The following XKR4 variants were observed in gnomAD, a reference collection of about 807,000 sequenced individuals.
XKR4 encodes the protein XK related 4, also known as XK-related protein 4.
Under a neutral mutation model 53.9 loss-of-function variants are expected in XKR4, and 12 were observed. That is an observed-to-expected ratio of 0.22 (90% CI 0.14 to 0.36). The LOEUF is 0.36. Ranked by LOEUF, XKR4 falls within the 10% of genes least tolerant of loss-of-function variation. XKR4 has a pLI of 1.00. For synonymous variants in XKR4, 354 were observed against 362.4 expected (o/e 0.98, Z 0.26); for missense variants, 799 against 859.5 (o/e 0.93, Z 0.88).
chr8:55,276,840 A>T (rs907130705), intron 1 of XKR4, among the ~76,000 whole-genome samples: 1 of 152,244 alleles, frequency 6.6e-6, no homozygotes, highest in Non-Finnish European at 1.5e-5. Context: ...AATTCCAGAG[A>T]GGCATCAACA....
At chr8:55,471,989 A>G (rs1805892010) in intron 2 of XKR4, among the ~76,000 whole-genome samples, 1 of 152,168 alleles carries the variant, frequency 6.6e-6, no homozygotes, top group African/African-American at 2.4e-5. Context: ...ATGAGAGAAC[A>G]GACACAAACA....
chr8:55,405,730 A>C (rs1804670618), intron 2 of XKR4, among the ~76,000 whole-genome samples: 1 of 152,218 alleles, frequency 6.6e-6, no homozygotes, highest in Non-Finnish European at 1.5e-5. Context: ...TAGAGAAGGA[A>C]GTGAGTTGAG....
intron 1 of XKR4, among the ~76,000 whole-genome samples, chr8:55,107,705 G>A (rs919692579): frequency 1.3e-5 from 2 of 152,086 alleles, no homozygotes; most frequent in Non-Finnish European, 2.9e-5. Context: ...GATAAAGAAT[G>A]GGTAGAAAAA....
rs1312337702 is a variant in XKR4, at chr8:55,538,993, C to T, written c.*14766C>T. On this transcript the variant is annotated 3_prime_UTR_variant, in exon 3 of 3. Transcript: ENST00000327381. ...AGGGCTTCAGCTATATACTGATATA[C>T]ATATGCTTACATGTGCTTAGGTGGG... 1.3e-5 allele frequency: 2 copies of T among 152,142 alleles called. No individual in the cohort carries two copies. The highest frequency in any genetic ancestry group is 2.9e-5 in the Non-Finnish European group (2 of 68,030). The allele number at this position is 152,142 out of a possible 1,614,324, so 9.4% of individuals were successfully genotyped here. A position where few individuals can be genotyped will look rare whatever the true frequency, so the allele number is the denominator to read the frequency against.
At chr8:55,164,196 G>A (rs894964023) in intron 1 of XKR4, 5 of 456,618 alleles carry the variant, frequency 1.1e-5, no homozygotes, top group South Asian at 3.1e-5. Flanking sequence ...TGCCTCGTCC[G>A]CCGCCTCCCC....
intron 2 of XKR4, among the ~76,000 whole-genome samples, chr8:55,478,599 A>C (rs1434080721): frequency 6.6e-6 from 1 of 152,160 alleles, no homozygotes; most frequent in Non-Finnish European, 1.5e-5. Context: ...AAAGACACAG[A>C]CTGGCAAATT....
intron 2 of XKR4, among the ~76,000 whole-genome samples, chr8:55,469,851 A>G (rs935962936): frequency 2.0e-5 from 3 of 152,134 alleles, no homozygotes; most frequent in Non-Finnish European, 4.4e-5. Flanking sequence ...GCCCTTTAAC[A>G]GGACCTGGTC....
intron 2 of XKR4, among the ~76,000 whole-genome samples, chr8:55,365,098 A>T (rs984246241): frequency 3.3e-5 from 5 of 152,242 alleles, no homozygotes; most frequent in African/African-American, 1.2e-4. Context: ...GGGTAGGACC[A>T]GGGCAAAGTG....
At chr8:55,477,072 T>C (rs1806001473) in intron 2 of XKR4, among the ~76,000 whole-genome samples, 1 of 150,590 alleles carries the variant, frequency 6.6e-6, no homozygotes, top group Admixed American at 6.6e-5. Context: ...CAGCTTGAGA[T>C]CTGAGAATGG....
chr8:55,272,882 T>G, intron 1 of XKR4: 1 of 452,868 alleles, frequency 2.2e-6, no homozygotes, highest in South Asian at 1.6e-5. Context: ...TCCTTTCCTC[T>G]AATAAATTAT....
chr8:55,444,655 A>T (rs1482384392), intron 2 of XKR4, among the ~76,000 whole-genome samples: 1 of 152,264 alleles, frequency 6.6e-6, no homozygotes, highest in Non-Finnish European at 1.5e-5. Context: ...TTGAAAATTT[A>T]AAAGTTACAC....
At chr8:55,113,788 C>G (rs1296658239) in intron 1 of XKR4, among the ~76,000 whole-genome samples, 1 of 152,000 alleles carries the variant, frequency 6.6e-6, no homozygotes, top group Non-Finnish European at 1.5e-5. Context: ...CCATGTGTAC[C>G]CATTGTTTAG....
intron 1 of XKR4, among the ~76,000 whole-genome samples, chr8:55,346,841 C>A (rs1449752013): frequency 6.6e-6 from 1 of 152,012 alleles, no homozygotes; most frequent in Non-Finnish European, 1.5e-5. Context: ...ATTTTTCAGA[C>A]AGTAAAAATA....
chr8:55,284,400 G>C lies in XKR4; in HGVS notation c.807-73278G>C, dbSNP rs73682946. Reference sequence around the variant, plus strand: ...CTGGCTCAGAATCTCCCATGAGATGGGTGAAATCATCTGGGGCTGCAGTCA... The same window carrying C: ...CTGGCTCAGAATCTCCCATGAGATGCGTGAAATCATCTGGGGCTGCAGTCA... On this transcript the variant is annotated intron_variant, in intron 1 of 2. Transcript: ENST00000327381. Among the ~76,000 whole-genome samples the C allele has an allele frequency of 3.7e-3, 556 of 152,212 alleles. 5 individuals carry two copies. The highest frequency in any genetic ancestry group is 0.012 in the African/African-American group (503 of 41,530).
intron 1 of XKR4, chr8:55,135,669 G>A (rs760507114): frequency 2.2e-6 from 1 of 455,980 alleles, no homozygotes; most frequent in Non-Finnish European, 4.4e-6. Context: ...AAAACAGGGA[G>A]AGTAAAGTCA....
At chr8:55,436,226 C>T (rs902223676) in intron 2 of XKR4, among the ~76,000 whole-genome samples, 5 of 152,134 alleles carry the variant, frequency 3.3e-5, no homozygotes, top group Non-Finnish European at 7.4e-5. Flanking sequence ...CCACAAATGC[C>T]TAGGTGCTTT....
chr8:55,206,199 CCGGAG>C (rs1285601822), intron 1 of XKR4, among the ~76,000 whole-genome samples: 9 of 152,292 alleles, frequency 5.9e-5, no homozygotes, highest in African/African-American at 2.2e-4. Context: ...TGGAAGGGGG[CCGGAG>C]CGGGTTGCCA....
At chr8:55,421,063 T>C (rs1804921424) in intron 2 of XKR4, among the ~76,000 whole-genome samples, 1 of 152,214 alleles carries the variant, frequency 6.6e-6, no homozygotes, top group Non-Finnish European at 1.5e-5. Flanking sequence ...GTAAGTGAAA[T>C]TGACTTTTTA....
intron 2 of XKR4, among the ~76,000 whole-genome samples, chr8:55,381,347 G>A (rs966546153): frequency 3.3e-5 from 5 of 152,170 alleles, no homozygotes; most frequent in Admixed American, 1.3e-4. Flanking sequence ...TTCTAAATAT[G>A]AGAGATGGGA....
Sources: allele counts gnomAD v4.1 joint callset (sites outside exome capture counted in the v4.1 genomes callset), GRCh38; gene constraint gnomAD v4.1.1; transcripts MANE v1.5; gene names NCBI Gene and HGNC (gene_info 2026-07-23, HGNC 2026-07-21).